The following ENTREP2 variants were observed in gnomAD, a reference collection of about 807,000 sequenced individuals.
The protein encoded by ENTREP2 is endosomal transmembrane epsin interactor 2.
At chr15:29,548,425 A>G in the ENTREP2 span, among the ~76,000 whole-genome samples, 1 of 140,082 alleles carries the variant, frequency 7.1e-6, no homozygotes, top group African/African-American at 2.8e-5. Context: ...ACTGCACTCC[A>G]GCCTGGGCAA....
the ENTREP2 span, among the ~76,000 whole-genome samples, chr15:29,185,654 C>A: frequency 6.6e-6 from 1 of 152,128 alleles, no homozygotes; most frequent in African/African-American, 2.4e-5. Context: ...CTCTGCCTCC[C>A]AGGTTCAAGC....
the ENTREP2 span, among the ~76,000 whole-genome samples, chr15:29,579,520 CTT>C: frequency 8.3e-3 from 927 of 111,444 alleles, 9 homozygotes; most frequent in African/African-American, 0.026. Context: ...TGGTTTCTTT[CTT>C]TTTTTTTTTT....
At chr15:29,398,644 A>T in the ENTREP2 span, among the ~76,000 whole-genome samples, 1 of 152,202 alleles carries the variant, frequency 6.6e-6, no homozygotes, top group Non-Finnish European at 1.5e-5. Flanking sequence ...GAATCACTGG[A>T]ACCCGGGAAA....
At chr15:29,365,456 T>C in the ENTREP2 span, among the ~76,000 whole-genome samples, 2 of 152,156 alleles carry the variant, frequency 1.3e-5, no homozygotes, top group East Asian at 3.9e-4. Context: ...TTTCACCACA[T>C]TGGCCAGGCT....
the ENTREP2 span, among the ~76,000 whole-genome samples, chr15:29,378,471 G>A: frequency 6.6e-6 from 1 of 152,192 alleles, no homozygotes. Flanking sequence ...AAGTATTTTT[G>A]TAGATGAGAT....
the ENTREP2 span, among the ~76,000 whole-genome samples, chr15:29,411,036 G>A: frequency 0.1 from 15,753 of 152,174 alleles, 1,007 homozygotes; most frequent in East Asian, 0.3. Flanking sequence ...CGCCGCCTCA[G>A]CCTCCCAAAC....
the ENTREP2 span, chr15:29,269,860 C>T: frequency 1.4e-6 from 1 of 731,266 alleles, no homozygotes; most frequent in Non-Finnish European, 2.0e-6. Flanking sequence ...TGCGTCAGGG[C>T]GGCTGGGCGG....
chr15:29,165,125 C>CG, the ENTREP2 span, among the ~76,000 whole-genome samples: 1 of 151,986 alleles, frequency 6.6e-6, no homozygotes, highest in Non-Finnish European at 1.5e-5. Context: ...TCGAACTGAA[C>CG]GACAATAATG....
the ENTREP2 span, among the ~76,000 whole-genome samples, chr15:29,413,746 T>G: frequency 1.3e-5 from 2 of 152,046 alleles, no homozygotes; most frequent in African/African-American, 4.8e-5. Flanking sequence ...CAGGGAAATG[T>G]TCAATAATCT....
the ENTREP2 span, among the ~76,000 whole-genome samples, chr15:29,353,044 T>C: frequency 3.3e-5 from 5 of 152,222 alleles, no homozygotes; most frequent in Non-Finnish European, 7.3e-5. Context: ...ATATTCACTA[T>C]GGCACATGAA....
the ENTREP2 span, among the ~76,000 whole-genome samples, chr15:29,408,699 G>T: frequency 6.6e-6 from 1 of 152,050 alleles, no homozygotes; most frequent in South Asian, 2.1e-4. Context: ...TTGTTGTTCA[G>T]TTTTCTGAGA....
the ENTREP2 span, chr15:29,570,547 C>A: frequency 3.4e-6 from 5 of 1,465,946 alleles, no homozygotes; most frequent in Non-Finnish European, 4.5e-6. Flanking sequence ...GGACGCGGGC[C>A]GAGGTGGTGA....
At chr15:29,504,408 G>GT in the ENTREP2 span, among the ~76,000 whole-genome samples, 2 of 152,210 alleles carry the variant, frequency 1.3e-5, no homozygotes, top group Non-Finnish European at 2.9e-5. Flanking sequence ...AACCATTTGT[G>GT]TGATGTTTTG....
At chr15:29,570,662 CG>C in the ENTREP2 span, 2 of 1,300,422 alleles carry the variant, frequency 1.5e-6, no homozygotes, top group Non-Finnish European at 2.0e-6. Context: ...CTCGCGCAGG[CG>C]GGACAGGCTG....
the ENTREP2 span, among the ~76,000 whole-genome samples, chr15:29,595,794 T>C: frequency 3.3e-5 from 5 of 152,212 alleles, no homozygotes; most frequent in African/African-American, 1.2e-4. Flanking sequence ...GATATTTATG[T>C]TTTGGGTTAT....
chr15:29,186,059 C>T, the ENTREP2 span, among the ~76,000 whole-genome samples: 3 of 152,144 alleles, frequency 2.0e-5, no homozygotes, highest in Non-Finnish European at 4.4e-5. Flanking sequence ...CCGAATGGGG[C>T]GGTGGAGCTC....
chr15:29,305,595 T>C, the ENTREP2 span, among the ~76,000 whole-genome samples: 1 of 151,722 alleles, frequency 6.6e-6, no homozygotes, highest in Non-Finnish European at 1.5e-5. Flanking sequence ...AGAGAGGGAG[T>C]GGCGAGAGTC....
At chr15:29,424,966 T>C in the ENTREP2 span, among the ~76,000 whole-genome samples, 1,562 of 152,288 alleles carry the variant, frequency 0.01, 29 homozygotes, top group African/African-American at 0.036. Flanking sequence ...ATCAGACAGA[T>C]GACAGATCTG....
chr15:29,660,678 G>A, the ENTREP2 span, among the ~76,000 whole-genome samples: 2 of 152,158 alleles, frequency 1.3e-5, no homozygotes, highest in Non-Finnish European at 2.9e-5. Flanking sequence ...ACAAGTAGTA[G>A]TGCAAATACA....
Sources: allele counts gnomAD v4.1 joint callset (sites outside exome capture counted in the v4.1 genomes callset), GRCh38; gene constraint gnomAD v4.1.1; transcripts MANE v1.5; gene names NCBI Gene and HGNC (gene_info 2026-07-23, HGNC 2026-07-21).